The following KIAA1217 variants were observed in gnomAD, a reference collection of about 807,000 sequenced individuals.
KIAA1217 encodes the protein KIAA1217.
Under a neutral mutation model 163.9 loss-of-function variants are expected in KIAA1217, and 88 were observed. That is an observed-to-expected ratio of 0.54 (90% CI 0.45 to 0.64). The LOEUF (loss-of-function observed/expected upper bound fraction) is 0.64, where lower values mean the gene tolerates loss of function less well. Among genes scored for constraint, KIAA1217 ranks in the 30% least tolerant of loss-of-function variants. The pLI is 0.00. For synonymous variants in KIAA1217, 903 were observed against 923.1 expected (o/e 0.98, Z 0.39); for missense variants, 2,372 against 2,475.0 (o/e 0.96, Z 0.88).
chr10:24,476,969 C>T (rs904555636), intron 6 of KIAA1217, among the ~76,000 whole-genome samples: 3 of 152,314 alleles, frequency 2.0e-5, no homozygotes, highest in Admixed American at 1.3e-4. Flanking sequence ...GCTAACTCCC[C>T]TCAGTCACAT....
intron 2 of KIAA1217, among the ~76,000 whole-genome samples, chr10:24,143,593 AC>A (rs1169741694): frequency 2.6e-5 from 4 of 151,994 alleles, no homozygotes; most frequent in Non-Finnish European, 1.5e-5. Context: ...CCTATGCCCC[AC>A]CATTTTGGGG....
At chr10:23,831,882 T>C (rs938162288) in intron 1 of KIAA1217, among the ~76,000 whole-genome samples, 5 of 152,202 alleles carry the variant, frequency 3.3e-5, no homozygotes, top group African/African-American at 1.2e-4. Context: ...TTCTCACTAA[T>C]GATTGATTTT....
At chr10:24,229,109 T>A (rs2071003984) in intron 2 of KIAA1217, among the ~76,000 whole-genome samples, 1 of 152,228 alleles carries the variant, frequency 6.6e-6, no homozygotes, top group East Asian at 1.9e-4. Flanking sequence ...TTGGCTCTGA[T>A]CTATATCTGT....
chr10:24,211,585 G>T (rs57071259), intron 1 of KIAA1217, among the ~76,000 whole-genome samples: 82,562 of 139,244 alleles, frequency 0.59, 24,864 homozygotes, highest in East Asian at 0.7. Flanking sequence ...GTATTGTATT[G>T]TATTGTATTT....
At chr10:23,799,949 C>T (rs1836391351) in intron 1 of KIAA1217, among the ~76,000 whole-genome samples, 1 of 152,102 alleles carries the variant, frequency 6.6e-6, no homozygotes. Context: ...AGGATGTAAA[C>T]AAGATTAATT....
At chr10:23,990,422 C>T (rs1485746123) in intron 1 of KIAA1217, among the ~76,000 whole-genome samples, 5 of 152,060 alleles carry the variant, frequency 3.3e-5, no homozygotes, top group African/African-American at 7.2e-5. Flanking sequence ...TAGTATCCTT[C>T]ACCATTAAAT....
chr10:23,833,619 A>G lies in KIAA1217; in HGVS notation c.-321+138385A>G, dbSNP rs189901010. On this transcript the variant is annotated intron_variant, in intron 1 of 18. Coordinates refer to the KIAA1217 transcript ENST00000376462. ...TTCACATCTTAATAGTCTCTCTTTC[A>G]TCTTCATTTTCTTGTTTACAGTTTC... 5.2e-3 allele frequency among the ~76,000 whole-genome samples: 792 copies of G among 151,902 alleles called. 11 individuals are homozygous for G. The highest frequency in any genetic ancestry group is 0.017 in the African/African-American group (715 of 41,442).
intron 2 of KIAA1217, among the ~76,000 whole-genome samples, chr10:24,061,916 A>G (rs1245415083): frequency 6.6e-6 from 1 of 152,010 alleles, no homozygotes; most frequent in Non-Finnish European, 1.5e-5. Context: ...TCTGGATGTC[A>G]TTTACTTCCT....
rs1281356601 is a variant in KIAA1217, at chr10:24,209,220, T to G, written c.27T>G (p.Cys9Trp). 2 of 1,613,790 alleles carry G rather than the reference T, an allele frequency of 1.2e-6. No individual in the cohort carries two copies. The highest frequency in any genetic ancestry group is 1.7e-6 in the Non-Finnish European group (2 of 1,179,970). The change falls in exon 1 of 21, where the codon TGT becomes TGG. Residue 9 changes from cysteine to tryptophan, a missense_variant. Around this residue, in one of 3 missense-constraint regions of KIAA1217, gnomAD observed 1,431 missense variants for 1,470.3 expected, o/e 0.97. Coordinates refer to ENST00000376454, the MANE Select transcript of KIAA1217 (RefSeq NM_019590.5). MEENESQK[C>W]EPCLPYSADR... ...TGGAAGAAAATGAAAGCCAGAAATG[T>G]GAGCCGTGCCTTCCTTACTCAGCAG...
intron 1 of KIAA1217, among the ~76,000 whole-genome samples, chr10:23,819,626 G>C (rs1445274209): frequency 6.6e-6 from 1 of 152,182 alleles, no homozygotes; most frequent in Non-Finnish European, 1.5e-5. Flanking sequence ...CTTAGCTCCT[G>C]TAGGAAAATC....
chr10:24,161,261 A>G (rs1340800265), intron 2 of KIAA1217, among the ~76,000 whole-genome samples: 3 of 152,246 alleles, frequency 2.0e-5, no homozygotes, highest in African/African-American at 7.2e-5. Flanking sequence ...AGAGCAAGTT[A>G]ACACTTCTAA....
At chr10:23,912,866 G>A (rs1842493018) in intron 1 of KIAA1217, among the ~76,000 whole-genome samples, 2 of 152,148 alleles carry the variant, frequency 1.3e-5, no homozygotes, top group South Asian at 4.1e-4. Context: ...TTAGACACTG[G>A]CTGCAGGAGG....
intron 2 of KIAA1217, among the ~76,000 whole-genome samples, chr10:24,266,157 C>A (rs572669018): frequency 4.6e-5 from 7 of 151,546 alleles, no homozygotes; most frequent in African/African-American, 1.7e-4. Context: ...TAGCTCACTG[C>A]AACCTCTGCC....
At chr10:24,200,437 G>T (rs1418166444) in intron 2 of KIAA1217, among the ~76,000 whole-genome samples, 1 of 152,006 alleles carries the variant, frequency 6.6e-6, no homozygotes, top group African/African-American at 2.4e-5. Context: ...ACAGACAAGA[G>T]TCACCAAGCC....
intron 1 of KIAA1217, among the ~76,000 whole-genome samples, chr10:23,742,685 A>G (rs1839186081): frequency 6.6e-6 from 1 of 152,104 alleles, no homozygotes; most frequent in Non-Finnish European, 1.5e-5. Context: ...TGAGGAATCC[A>G]CCCTCATGAC....
At chr10:24,406,392 A>AACACAC (rs34564889) in intron 3 of KIAA1217, among the ~76,000 whole-genome samples, 1,646 of 133,868 alleles carry the variant, frequency 0.012, 37 homozygotes, top group East Asian at 0.096. Context: ...TTCACACACA[A>AACACAC]ACACACACAC....
At chr10:23,845,650 T>C (rs1271457392) in intron 1 of KIAA1217, among the ~76,000 whole-genome samples, 1 of 152,170 alleles carries the variant, frequency 6.6e-6, no homozygotes, top group Non-Finnish European at 1.5e-5. Context: ...GTCAGACGGA[T>C]AGATTGCAAA....
chr10:23,779,667 C>T (rs537605890), intron 1 of KIAA1217, among the ~76,000 whole-genome samples: 8 of 152,234 alleles, frequency 5.3e-5, no homozygotes, highest in African/African-American at 1.9e-4. Context: ...TTTATACATG[C>T]ATGCTTTCTA....
At chr10:23,893,085 C>T (rs1284252223) in intron 1 of KIAA1217, among the ~76,000 whole-genome samples, 1 of 151,988 alleles carries the variant, frequency 6.6e-6, no homozygotes, top group African/African-American at 2.4e-5. Flanking sequence ...CCTCCTTGTA[C>T]CTCTGGTAGA....
Sources: allele counts gnomAD v4.1 joint callset (sites outside exome capture counted in the v4.1 genomes callset), GRCh38; gene constraint gnomAD v4.1.1; regional missense constraint gnomAD v4.1.1; transcripts MANE v1.5; gene names NCBI Gene and HGNC (gene_info 2026-07-23, HGNC 2026-07-21).